Variants in AGBL1 observed in about 807,000 individuals in gnomAD.
AGBL1 encodes cytosolic carboxypeptidase 4.
A neutral mutation model predicts 118.9 loss-of-function variants in AGBL1; 130 were observed. That is an observed-to-expected ratio of 1.09 (90% CI 0.95 to 1.26). The LOEUF is 1.26. Among genes scored for constraint, AGBL1 ranks in the 50% most tolerant of loss-of-function variants. The probability of loss-of-function intolerance (pLI) is 0.00; values close to 1 mark genes in which losing one functional copy is unlikely to be tolerated. For synonymous variants in AGBL1, 555 were observed against 478.9 expected, an observed-to-expected ratio of 1.16 and a Z score of -2.08; for missense variants, 1,584 against 1,298.1, an observed-to-expected ratio of 1.22 and a Z score of -3.38.
rs529117354 is a variant in AGBL1 at position 86,298,825 on chromosome 15, G to T, written c.2374+3417G>T. On this transcript the variant is annotated intron_variant, in intron 17 of 22. Transcript: ENST00000614907. ...TTAGAATTCCATGAAATAAGACCAC[G>T]GCTATGGAATGCTGGGGGAACTCCC... is the stretch of plus-strand genomic sequence containing the variant. 2.0e-5 allele frequency among the ~76,000 whole-genome samples: 3 copies of T among 152,244 alleles called. No individual in the cohort carries two copies. In the South Asian group the frequency reaches 6.2e-4, roughly 32 times the overall value.
intron 19 of AGBL1, among the ~76,000 whole-genome samples, chr15:86,543,004 C>G (rs1368989416): frequency 6.6e-6 from 1 of 152,090 alleles, no homozygotes; most frequent in Non-Finnish European, 1.5e-5. Context: ...TGTGTTTTGA[C>G]CATTTACAAT....
Position 86,171,828 on chromosome 15 carries a change from G to C in AGBL1, c.488+12802G>C, listed in dbSNP as rs369552872. ...ATCAACAAATGGATAAAGAAATTGT[G>C]GTATAAATATACCGTGGGATACCAC... On this transcript the variant is annotated intron_variant, in intron 5 of 22. Transcript: ENST00000614907. Among the ~76,000 whole-genome samples the C allele has an allele frequency of 1.7e-3, 266 of 152,126 alleles. 4 individuals are homozygous for C. In the South Asian group the frequency reaches 0.051, roughly 29 times the overall value.
At chr15:86,929,397 A>G (rs116252909) in intron 23 of AGBL1, among the ~76,000 whole-genome samples, 237 of 152,310 alleles carry the variant, frequency 1.6e-3, no homozygotes, top group African/African-American at 5.4e-3. Context: ...TCTGGACAAT[A>G]CACAAAATGG....
chr15:86,743,871 C>T (rs1334859886), intron 22 of AGBL1, among the ~76,000 whole-genome samples: 2 of 150,798 alleles, frequency 1.3e-5, no homozygotes, highest in Non-Finnish European at 3.0e-5. Flanking sequence ...ACCCCCATCC[C>T]CCGCAACACA....
At chr15:86,759,701 C>A (rs945273168) in intron 22 of AGBL1, among the ~76,000 whole-genome samples, 1 of 151,948 alleles carries the variant, frequency 6.6e-6, no homozygotes, top group Admixed American at 6.6e-5. Flanking sequence ...TATGGAAGAA[C>A]ATTAAAATCT....
intron 18 of AGBL1, among the ~76,000 whole-genome samples, chr15:86,497,057 T>G (rs1026181526): frequency 6.6e-6 from 1 of 152,014 alleles, no homozygotes; most frequent in South Asian, 2.1e-4. Flanking sequence ...ACCTTCCCAA[T>G]TGAGATGAGG....
chr15:86,366,794 T>G (rs988106240), intron 17 of AGBL1, among the ~76,000 whole-genome samples: 1 of 152,182 alleles, frequency 6.6e-6, no homozygotes, highest in Non-Finnish European at 1.5e-5. Flanking sequence ...CGAAACAAAC[T>G]ATATGATCTT....
At position 86,387,179 on chromosome 15, in the gene AGBL1, G is replaced by A. The variant is rs137942276; in HGVS notation, c.2375-10187G>A. Among the ~76,000 whole-genome samples, 1,394 of 152,222 alleles carry A rather than the reference G, an allele frequency of 9.2e-3. 24 individuals carry two copies. The highest frequency in any genetic ancestry group is 0.012 in the South Asian group (57 of 4,822). ...ACAGGCGAAAGGGAGTTACTCTTTC[G>A]CCTGGGGCATCAAGAAAAGCTTCAG... On this transcript the variant is annotated intron_variant, in intron 17 of 22. Transcript: ENST00000614907.
intron 18 of AGBL1, among the ~76,000 whole-genome samples, chr15:86,418,273 A>G (rs2081729456): frequency 6.6e-6 from 1 of 152,244 alleles, no homozygotes; most frequent in African/African-American, 2.4e-5. Flanking sequence ...TCATTCAACC[A>G]CTTTCTAATC....
At position 86,387,412 on chromosome 15, in the gene AGBL1, G is replaced by C. The variant is rs530889280; in HGVS notation, c.2375-9954G>C. Among the ~76,000 whole-genome samples, 13 of 152,228 alleles carry C rather than the reference G, an allele frequency of 8.5e-5. No homozygotes were observed. The South Asian group carries it at 2.5e-3, about 29-fold the overall frequency. ...TGGGTTCTACTACAGTGTGTTACCT[G>C]GAAGATGATACCATCAGACTTAGGT... On this transcript the variant is annotated intron_variant, in intron 17 of 22. Coordinates refer to ENST00000614907, the MANE Select transcript of AGBL1 (RefSeq NM_001386094.1).
At chr15:86,292,042 G>T (rs1287290342) in intron 16 of AGBL1, among the ~76,000 whole-genome samples, 1 of 152,202 alleles carries the variant, frequency 6.6e-6, no homozygotes, top group African/African-American at 2.4e-5. Context: ...CTAAGACACA[G>T]TTGGGTTTAT....
intron 16 of AGBL1, among the ~76,000 whole-genome samples, chr15:86,282,451 G>C (rs1478995326): frequency 6.6e-6 from 1 of 152,160 alleles, no homozygotes; most frequent in African/African-American, 2.4e-5. Context: ...AGTTTGTGGA[G>C]AGTTAATGAG....
intron 1 of AGBL1, among the ~76,000 whole-genome samples, chr15:86,117,092 G>A (rs1327077997): frequency 4.0e-5 from 6 of 151,878 alleles, no homozygotes; most frequent in Admixed American, 2.0e-4. Context: ...TGGCTCATGG[G>A]AACTAAAATC....
At position 86,158,971 on chromosome 15, in the gene AGBL1, G is replaced by T. The variant is rs145790658; in HGVS notation, c.433G>T (p.Glu145Ter). 6.2e-7 allele frequency: 1 copy of T among 1,613,358 alleles called. No homozygotes were observed. Among genetic ancestry groups the T allele is most frequent in the South Asian group, 1.1e-5 (1 of 91,074 alleles). ...CATGCTGGGAATTAATGGAGCCATG[G>T]AACTGCTTTTCAAGGTTATTACTCC... ...GAMLGINGAMELLFKVITPYT... is the reference protein window; with the variant it reads ...GAMLGINGAM The change falls in exon 5 of 23, where the codon GAA (glutamate) becomes TAA (stop). Residue 145 changes from glutamate (E) to a stop codon, truncating the protein, a stop_gained. Coordinates refer to ENST00000614907, the MANE Select transcript of AGBL1 (RefSeq NM_001386094.1). LOFTEE classifies it high-confidence loss of function.
intron 19 of AGBL1, among the ~76,000 whole-genome samples, chr15:86,523,724 T>C (rs73457673): frequency 0.047 from 7,184 of 152,282 alleles, 590 homozygotes; most frequent in African/African-American, 0.16. Flanking sequence ...CAAATTTTAT[T>C]CTGGCACTGC....
intron 21 of AGBL1, among the ~76,000 whole-genome samples, chr15:86,662,247 T>A (rs1425796064): frequency 6.6e-6 from 1 of 152,260 alleles, no homozygotes; most frequent in African/African-American, 2.4e-5. Flanking sequence ...TAATATTACA[T>A]ACTGCATAGG....
intron 22 of AGBL1, among the ~76,000 whole-genome samples, chr15:86,801,762 GTTA>G (rs1306064364): frequency 6.6e-6 from 1 of 152,104 alleles, no homozygotes; most frequent in African/African-American, 2.4e-5. Flanking sequence ...ATTTGGTGGA[GTTA>G]TTATTAAACC....
chr15:86,850,098 A>G (rs908935167), intron 22 of AGBL1, among the ~76,000 whole-genome samples: 1 of 152,128 alleles, frequency 6.6e-6, no homozygotes, highest in Non-Finnish European at 1.5e-5. Context: ...ACCCAATCGC[A>G]TTCAATGGAA....
At chr15:86,696,363 G>A (rs755403864) in intron 22 of AGBL1, among the ~76,000 whole-genome samples, 30 of 151,984 alleles carry the variant, frequency 2.0e-4, no homozygotes, top group African/African-American at 2.7e-4. Flanking sequence ...AACTGCTGTT[G>A]CTTTAAAGTT....
Sources: allele counts gnomAD v4.1 joint callset (sites outside exome capture counted in the v4.1 genomes callset), GRCh38; gene constraint gnomAD v4.1.1; transcripts MANE v1.5; gene names NCBI Gene and HGNC (gene_info 2026-07-23, HGNC 2026-07-21).